The following TMTC1 variants were observed in gnomAD, a reference collection of about 807,000 sequenced individuals.
The protein encoded by TMTC1 is protein O-mannosyl-transferase TMTC1.
A neutral mutation model predicts 104.8 loss-of-function variants in TMTC1; 73 were observed. The observed-to-expected ratio is 0.70, with a 90% confidence interval of 0.58 to 0.85. The LOEUF (loss-of-function observed/expected upper bound fraction) is 0.85, where lower values mean the gene tolerates loss of function less well. Ranked by LOEUF, TMTC1 falls within the 40% of genes least tolerant of loss-of-function variation. The probability of loss-of-function intolerance (pLI) is 0.00; values close to 1 mark genes in which losing one functional copy is unlikely to be tolerated. For synonymous variants in TMTC1, 434 were observed against 428.7 expected (o/e 1.01, Z -0.15); for missense variants, 1,035 against 1,096.1 (o/e 0.94, Z 0.79).
At chr12:29,710,092 C>T (rs1236366228) in intron 5 of TMTC1, among the ~76,000 whole-genome samples, 3 of 151,914 alleles carry the variant, frequency 2.0e-5, no homozygotes, top group Non-Finnish European at 4.4e-5. Context: ...CTATCTGTCT[C>T]TAGTCAAACA....
In TMTC1 at chr12:29,783,330, TG is replaced by T; in HGVS notation, c.302+119del. ...GCACATCCTGGAGAGGAGGGAGGCG[TG>T]GAGGGAAAGGGCGGCAAAAATGAAA... On this transcript the variant is annotated intron_variant, in intron 1 of 17. Coordinates refer to ENST00000539277, the MANE Select transcript of TMTC1 (RefSeq NM_001193451.2). This position sits in a 1 kb window ranked among gnomAD's most constrained non-coding sequence, Gnocchi z 4.7. The T allele has an allele frequency of 2.3e-6, 2 of 874,274 alleles. No homozygotes were observed. Among genetic ancestry groups the T allele is most frequent in the Non-Finnish European group, 3.0e-6 (2 of 657,454 alleles). 54.2% of individuals were successfully genotyped at this position (874,274 alleles called of 1,614,324 possible). A position where few individuals can be genotyped will look rare whatever the true frequency, so the allele number is the denominator to read the frequency against.
Position 29,661,184 on chromosome 12 carries a change from G to A in TMTC1, c.939-27848C>T, listed in dbSNP as rs111456194. On this transcript the variant is annotated intron_variant, in intron 5 of 17. Coordinates refer to ENST00000539277, the MANE Select transcript of TMTC1 (RefSeq NM_001193451.2). ...GGAGGAACAAATGAGATAATATCTA[G>A]AACAGGACTCAGCTCTGTTAGCTAT... 991 of 195,148 alleles carry A rather than the reference G, an allele frequency of 5.1e-3. 13 individuals are homozygous for A. Among genetic ancestry groups the A allele is most frequent in the African/African-American group, 0.023 (959 of 42,290 alleles). 12.1% of individuals were successfully genotyped at this position (195,148 alleles called of 1,614,324 possible). A position where few individuals can be genotyped will look rare whatever the true frequency, so the allele number is the denominator to read the frequency against.
chr12:29,601,840 T>C (rs1021075647), intron 7 of TMTC1, among the ~76,000 whole-genome samples: 61 of 124,552 alleles, frequency 4.9e-4, no homozygotes, highest in Non-Finnish European at 7.1e-4. Context: ...AATCATCTCT[T>C]TTTTTTTTTT....
intron 5 of TMTC1, among the ~76,000 whole-genome samples, chr12:29,716,170 C>T (rs924086780): frequency 1.3e-5 from 2 of 151,990 alleles, no homozygotes; most frequent in African/African-American, 2.4e-5. Context: ...AGGTGCATAC[C>T]ACTACAACTG....
chr12:29,664,557 T>G lies in TMTC1; in HGVS notation c.939-31221A>C, dbSNP rs575392193. On this transcript the variant is annotated intron_variant, in intron 5 of 17. Transcript: ENST00000539277. ...GTGAAGTAGAACCAAATAACAACAC[T>G]CAATAACAATACTATTAACAGCAAT... 2.0e-5 allele frequency among the ~76,000 whole-genome samples: 3 copies of G among 152,228 alleles called. No homozygotes were observed. The East Asian group carries it at 5.8e-4, about 29-fold the overall frequency.
intron 9 of TMTC1, among the ~76,000 whole-genome samples, chr12:29,557,603 C>T (rs2136262816): frequency 6.6e-6 from 1 of 152,334 alleles, no homozygotes; most frequent in East Asian, 1.9e-4. Flanking sequence ...GCGTCCGCCA[C>T]CACGCCCAGT....
chr12:29,725,875 C>T (rs1228150900), intron 5 of TMTC1, among the ~76,000 whole-genome samples: 5 of 152,186 alleles, frequency 3.3e-5, no homozygotes, highest in Non-Finnish European at 5.9e-5. Flanking sequence ...ACTCAATATT[C>T]AAATTCAACA....
chr12:29,620,820 G>A (rs1324451486), intron 6 of TMTC1, among the ~76,000 whole-genome samples: 2 of 152,208 alleles, frequency 1.3e-5, no homozygotes, highest in South Asian at 2.1e-4. Context: ...GGTGGCAGGT[G>A]GAGAAGCCAG....
At chr12:29,751,570 G>T in intron 5 of TMTC1, 96 bp downstream of exon 5, 1 of 1,285,374 alleles carries the variant, frequency 7.8e-7, no homozygotes, top group Non-Finnish European at 1.1e-6. Context: ...GTCACAGTGT[G>T]CTGACTCAGT....
chr12:29,757,363 T>G (rs911399493), intron 3 of TMTC1, among the ~76,000 whole-genome samples: 3 of 152,196 alleles, frequency 2.0e-5, no homozygotes, highest in African/African-American at 7.2e-5. Context: ...ATCTTTGGCT[T>G]CTACCCACTA....
chr12:29,511,918 T>A (rs1281192257), intron 17 of TMTC1, 125 bp downstream of exon 17: 2 of 969,928 alleles, frequency 2.1e-6, no homozygotes, highest in African/African-American at 3.2e-5. Context: ...ACTGCCATAC[T>A]TTTGATATTC....
At chr12:29,757,273 T>C (rs1367369544) in intron 3 of TMTC1, among the ~76,000 whole-genome samples, 1 of 152,226 alleles carries the variant, frequency 6.6e-6, no homozygotes, top group Non-Finnish European at 1.5e-5. Flanking sequence ...TTCTCAATCA[T>C]AGCCCCACTG....
At chr12:29,641,207 T>G (rs1938833320) in intron 5 of TMTC1, 1 of 152,320 alleles carries the variant, frequency 6.6e-6, no homozygotes, top group Non-Finnish European at 1.5e-5. Flanking sequence ...TCTAGGGCCC[T>G]GCCCACCATC....
At chr12:29,565,431 T>C (rs1294055782) in intron 9 of TMTC1, among the ~76,000 whole-genome samples, 1 of 152,300 alleles carries the variant, frequency 6.6e-6, no homozygotes, top group Middle Eastern at 3.4e-3. Context: ...CTTGCCAATC[T>C]AGCACTCAGG....
At chr12:29,537,103 G>A (rs1231845174) in intron 10 of TMTC1, among the ~76,000 whole-genome samples, 1 of 152,118 alleles carries the variant, frequency 6.6e-6, no homozygotes. Context: ...TACAGTATTG[G>A]AAGTGATCAA....
chr12:29,517,396 T>C (rs1468615148), intron 14 of TMTC1, 31 bp downstream of exon 14: 1 of 1,613,250 alleles, frequency 6.2e-7, no homozygotes, highest in East Asian at 2.2e-5. Flanking sequence ...GTGCTTAGGT[T>C]GCCAGCTTCA....
chr12:29,663,441 T>C (rs1322225293), intron 5 of TMTC1, among the ~76,000 whole-genome samples: 4 of 152,260 alleles, frequency 2.6e-5, no homozygotes, highest in Middle Eastern at 6.8e-3. Flanking sequence ...TATTTTAACA[T>C]AGTGGAAAAA....
chr12:29,516,491 A>G lies in TMTC1; in HGVS notation c.2170-5T>C, dbSNP rs1337908667. The G allele has an allele frequency of 6.2e-7, 1 of 1,612,772 alleles. No homozygotes were observed. Among genetic ancestry groups the G allele is most frequent in the South Asian group, 1.1e-5 (1 of 90,970 alleles). ...CATCACGGCCAAAACCTGAGCCTAC[A>G]AAACCACATGGACCTTGGCTTAGCA... is the stretch of plus-strand genomic sequence containing the variant. On this transcript the variant is annotated splice_polypyrimidine_tract_variant and splice_region_variant and intron_variant, in intron 14 of 17. Transcript: ENST00000539277.
intron 5 of TMTC1, among the ~76,000 whole-genome samples, chr12:29,689,889 G>A (rs2219765): frequency 0.77 from 116,541 of 152,130 alleles, 45,574 homozygotes; most frequent in African/African-American, 0.92. Flanking sequence ...AAATCTTCAC[G>A]TCTCTCTTGC....
Sources: allele counts gnomAD v4.1 joint callset (sites outside exome capture counted in the v4.1 genomes callset), GRCh38; gene constraint gnomAD v4.1.1; non-coding constraint Gnocchi (gnomAD v3.1); transcripts MANE v1.5; gene names NCBI Gene and HGNC (gene_info 2026-07-23, HGNC 2026-07-21).